The following PNPLA7 variants were observed in gnomAD, a reference collection of about 807,000 sequenced individuals.
PNPLA7 encodes the protein patatin-like phospholipase domain-containing protein 7.
A neutral mutation model predicts 161.7 loss-of-function variants in PNPLA7; 153 were observed. That is an observed-to-expected ratio of 0.95 (90% CI 0.83 to 1.08). The LOEUF (loss-of-function observed/expected upper bound fraction) is 1.08, where lower values mean the gene tolerates loss of function less well. Among genes scored for constraint, PNPLA7 ranks in the 50% least tolerant of loss-of-function variants. PNPLA7 has a pLI of 0.00. For missense variants in PNPLA7, 1,739 were observed against 1,856.6 expected (o/e 0.94, Z 1.16); for synonymous variants, 809 against 782.1 (o/e 1.03, Z -0.57).
intron 10 of PNPLA7, 47 bp downstream of exon 10, chr9:137,521,589 C>T (rs972959505): frequency 8.8e-6 from 14 of 1,585,798 alleles, no homozygotes; most frequent in Non-Finnish European, 1.1e-5. Context: ...GTCCCGATGC[C>T]AGCTGCATGG....
chr9:137,497,710 CAG>C (rs1833139391), intron 17 of PNPLA7, among the ~76,000 whole-genome samples: 1 of 152,150 alleles, frequency 6.6e-6, no homozygotes, highest in African/African-American at 2.4e-5. Flanking sequence ...GTATTTTTAA[CAG>C]AGACAGGGTT....
Position 137,478,018 on chromosome 9 carries a change from A to T in PNPLA7, c.2882+16T>A, listed in dbSNP as rs1465028166. 45 of 1,405,280 alleles carry T rather than the reference A, an allele frequency of 3.2e-5. No individual in the cohort carries two copies. Among genetic ancestry groups the T allele is most frequent in the Non-Finnish European group, 3.9e-5 (42 of 1,073,690 alleles). The allele number at this position is 1,405,280 out of a possible 1,614,324, so 87.1% of individuals were successfully genotyped here. A position where few individuals can be genotyped will look rare whatever the true frequency, so the allele number is the denominator to read the frequency against. On this transcript the variant is annotated intron_variant, in intron 25 of 34. Coordinates refer to ENST00000406427, the MANE Select transcript of PNPLA7 (RefSeq NM_001098537.3). ...CACACACCAGTGAGGAGTGTGTAGG[A>T]AGCGGGGGGACTCACCTTGCTCCCC...
intron 8 of PNPLA7, among the ~76,000 whole-genome samples, chr9:137,532,088 G>A (rs78788233): frequency 7.2e-5 from 11 of 152,288 alleles, no homozygotes; most frequent in East Asian, 5.8e-4. Flanking sequence ...CGTATCTGCG[G>A]TATTTTGTAA....
Position 137,529,849 on chromosome 9 carries a change from G to A in PNPLA7, c.748-6992C>T, listed in dbSNP as rs536376172. Among the ~76,000 whole-genome samples, 11 of 151,900 alleles carry A rather than the reference G, an allele frequency of 7.2e-5. No individual in the cohort carries two copies. In the South Asian group the frequency reaches 2.3e-3, roughly 32 times the overall value. ...AATTTTTGTATTTTTAGTAGAGACG[G>A]GGTTTCACCATGTTGACCAGGCTGG... On this transcript the variant is annotated intron_variant, in intron 8 of 34. Transcript: ENST00000406427.
At position 137,523,909 on chromosome 9, in the gene PNPLA7, C is replaced by G. The variant is rs548915150; in HGVS notation, c.748-1052G>C. Among the ~76,000 whole-genome samples, 127 of 152,098 alleles carry G rather than the reference C, an allele frequency of 8.3e-4. No individual in the cohort carries two copies. Among genetic ancestry groups the G allele is most frequent in the African/African-American group, 3.0e-3 (123 of 41,506 alleles). ...CCTCCCAAAGTGCTGGGATTACCGG[C>G]GTGAGCCACCACGCCTGGCTCAGAT... On this transcript the variant is annotated intron_variant, in intron 8 of 34. Coordinates refer to ENST00000406427, the MANE Select transcript of PNPLA7 (RefSeq NM_001098537.3). This position sits in a 1 kb window ranked among gnomAD's most constrained non-coding sequence, Gnocchi z 4.4.
chr9:137,521,597 T>A (rs776989333), intron 10 of PNPLA7, 39 bp downstream of exon 10: 23 of 1,595,252 alleles, frequency 1.4e-5, no homozygotes, highest in Admixed American at 5.1e-5. Context: ...GCCAGCTGCA[T>A]GGAGCAGCAT....
At chr9:137,496,748 A>G (rs970091221) in intron 18 of PNPLA7, among the ~76,000 whole-genome samples, 6 of 152,120 alleles carry the variant, frequency 3.9e-5, no homozygotes, top group African/African-American at 4.8e-5. Context: ...CAAAAACACA[A>G]ATCGGCAGAA....
At chr9:137,491,482 A>C in intron 20 of PNPLA7, 1 of 980,974 alleles carries the variant, frequency 1.0e-6, no homozygotes, top group Non-Finnish European at 1.2e-6. Context: ...CGGTGCCGGT[A>C]AGTGGAGAGC....
At chr9:137,535,050 A>G (rs1348609527) in intron 8 of PNPLA7, among the ~76,000 whole-genome samples, 2 of 152,274 alleles carry the variant, frequency 1.3e-5, no homozygotes, top group Admixed American at 1.3e-4. Context: ...AAGAGAGACC[A>G]CGTGGCCCAT....
rs778924482 is a variant in PNPLA7 at position 137,468,375 on chromosome 9, G to T, written c.2883-902C>A. On this transcript the variant is annotated intron_variant, in intron 25 of 34. Coordinates refer to ENST00000406427, the MANE Select transcript of PNPLA7 (RefSeq NM_001098537.3). The surrounding 1 kb of genome is among the most constrained non-coding windows in gnomAD (Gnocchi z 4.0). The stretch of plus-strand genomic sequence containing the variant: ...AACAGACAATGAAAGTGGGCCCAGA[G>T]TGCCTCCCAGGTAAGAGATACAGAC... 6.6e-5 allele frequency among the ~76,000 whole-genome samples: 10 copies of T among 152,210 alleles called. No homozygotes were observed. The highest frequency in any genetic ancestry group is 1.5e-5 in the Non-Finnish European group (1 of 68,036).
intron 8 of PNPLA7, among the ~76,000 whole-genome samples, chr9:137,526,380 C>A (rs904333394): frequency 2.0e-5 from 3 of 152,200 alleles, no homozygotes; most frequent in South Asian, 2.1e-4. Context: ...CGGGTTCACG[C>A]CATTCTCCTG....
chr9:137,497,235 C>G lies in PNPLA7; in HGVS notation c.1965G>C (p.Gly655=), dbSNP rs1039603469. 5.7e-6 allele frequency: 9 copies of G among 1,592,144 alleles called. No homozygotes were observed. Among genetic ancestry groups the G allele is most frequent in the Non-Finnish European group, 7.7e-6 (9 of 1,170,488 alleles). The change falls in exon 18 of 35, where the codon GGG becomes GGC. Residue 655 remains glycine, a synonymous_variant. Transcript: ENST00000406427. ...RLRSVIRKDD[G]KKRLAGEYGR... ...CGTACTCCCCGGCCAGGCGCTTCTTCCCATCATCCTTCCGGATCACAGAGC... is the reference window on the plus strand; with the variant it reads ...CGTACTCCCCGGCCAGGCGCTTCTTGCCATCATCCTTCCGGATCACAGAGC...
rs1186752241 is a variant in PNPLA7, at chr9:137,543,339, C to G, written c.506+93G>C. On this transcript the variant is annotated intron_variant, in intron 6 of 34. Coordinates refer to ENST00000406427, the MANE Select transcript of PNPLA7 (RefSeq NM_001098537.3). This position sits in a 1 kb window ranked among gnomAD's most constrained non-coding sequence, Gnocchi z 6.9. Reference sequence around the variant, plus strand: ...CGATGCGCTTTGCCAACCATTCCCCCAACACAAGACGGCCAAGCTGGAGCC... The same window carrying G: ...CGATGCGCTTTGCCAACCATTCCCCGAACACAAGACGGCCAAGCTGGAGCC... 1.2e-5 allele frequency: 19 copies of G among 1,530,188 alleles called. No homozygotes were observed. The highest frequency in any genetic ancestry group is 1.7e-5 in the Non-Finnish European group (19 of 1,114,954). The allele number at this position is 1,530,188 out of a possible 1,614,324, so 94.8% of individuals were successfully genotyped here.
intron 25 of PNPLA7, among the ~76,000 whole-genome samples, chr9:137,470,020 CT>C (rs1239792041): frequency 1.3e-5 from 2 of 152,028 alleles, no homozygotes; most frequent in Non-Finnish European, 2.9e-5. Context: ...TAAATTTAAT[CT>C]ATTTATTTTT....
At position 137,478,119 on chromosome 9, in the gene PNPLA7, G is replaced by A. The variant is rs1832028975; in HGVS notation, c.2797C>T (p.Pro933Ser). The part of the protein sequence containing the change: ...EMYKHVFQRP[P>S]DRHSDFSRLA... ...CGGGAGAAGTCTGAGTGTCGGTCCG[G>A]GGGCCGCTGGAAGACATGCTTGTAC... Residue 933 changes from proline (P) to serine (S), a missense_variant, in exon 25 of 35, where the codon CCG (proline) becomes TCG (serine). Transcript: ENST00000406427. The A allele has an allele frequency of 1.5e-6, 2 of 1,350,258 alleles. No individual in the cohort carries two copies. The highest frequency in any genetic ancestry group is 9.6e-7 in the Non-Finnish European group (1 of 1,043,746). 83.6% of individuals were successfully genotyped at this position (1,350,258 alleles called of 1,614,324 possible).
At chr9:137,472,324 G>T (rs1831740967) in intron 25 of PNPLA7, among the ~76,000 whole-genome samples, 1 of 151,854 alleles carries the variant, frequency 6.6e-6, no homozygotes, top group Non-Finnish European at 1.5e-5. Flanking sequence ...CGGTGGCTCA[G>T]CAGGATTACC....
chr9:137,549,429 G>A (rs1471322611), intron 1 of PNPLA7, among the ~76,000 whole-genome samples: 1 of 152,184 alleles, frequency 6.6e-6, no homozygotes, highest in African/African-American at 2.4e-5. Flanking sequence ...TATTAGCCGG[G>A]CGTGGTGGTG....
intron 24 of PNPLA7, 177 bp downstream of exon 24, chr9:137,478,879 C>T (rs1022432605): frequency 1.1e-6 from 1 of 949,686 alleles, no homozygotes; most frequent in African/African-American, 1.7e-5. Context: ...GCCGTGGCCA[C>T]CAGAGGCCCA....
At position 137,508,084 on chromosome 9, in the gene PNPLA7, C is replaced by CA. The variant is rs1438969947; in HGVS notation, c.1226-2002_1226-2001insT. ...GGGCCACACCTGTGGTCCCAGCTAC[C>CA]CATGAGGCTGAGGCGGGTGGATCAC... On this transcript the variant is annotated intron_variant, in intron 12 of 34. Coordinates refer to ENST00000406427, the MANE Select transcript of PNPLA7 (RefSeq NM_001098537.3). Among the ~76,000 whole-genome samples, 4 of 151,786 alleles carry CA rather than the reference C, an allele frequency of 2.6e-5. No individual in the cohort carries two copies. The East Asian group carries it at 5.8e-4, about 22-fold the overall frequency.
Sources: gnomAD v4.1 joint callset for allele counts (sites outside exome capture counted in the v4.1 genomes callset) on GRCh38, gnomAD v4.1.1 for gene constraint, Gnocchi (gnomAD v3.1) non-coding constraint, MANE v1.5 for transcripts, NCBI Gene and HGNC (gene_info 2026-07-23, HGNC 2026-07-21) for gene names.